The following SOX5 variants were observed in gnomAD, a reference collection of about 807,000 sequenced individuals.
SOX5 encodes the protein transcription factor SOX-5.
Under a neutral mutation model 92.0 loss-of-function variants are expected in SOX5, and 9 were observed. The ratio of observed to expected loss-of-function variants is 0.10; its 90% CI spans 0.06 to 0.17. SOX5 has a LOEUF of 0.17. SOX5 is among the 10% of genes least tolerant of loss of function. The probability of loss-of-function intolerance (pLI) is 1.00; values close to 1 mark genes in which losing one functional copy is unlikely to be tolerated. For missense variants in SOX5, 642 were observed against 944.5 expected, an observed-to-expected ratio of 0.68 and a Z score of 4.20; for synonymous variants, 344 against 336.3, an observed-to-expected ratio of 1.02 and a Z score of -0.25.
chr12:24,124,018 G>T (rs898352096), intron 4 of SOX5, among the ~76,000 whole-genome samples: 2 of 152,238 alleles, frequency 1.3e-5, no homozygotes, highest in African/African-American at 4.8e-5. Flanking sequence ...TGCATGGCTG[G>T]TTAAAATACT....
At chr12:23,882,170 G>A (rs1170839401) in intron 2 of SOX5, among the ~76,000 whole-genome samples, 1 of 152,056 alleles carries the variant, frequency 6.6e-6, no homozygotes, top group Non-Finnish European at 1.5e-5. Context: ...CACATGTATT[G>A]TGGCTTTCTC....
upstream of SOX5, chr12:23,949,702 T>C: frequency 6.3e-7 from 1 of 1,589,422 alleles, no homozygotes. Context: ...ATTGATTTTC[T>C]CTCTGTCTCT....
At chr12:24,464,588 G>A (rs190433861) in intron 1 of SOX5, among the ~76,000 whole-genome samples, 2 of 152,220 alleles carry the variant, frequency 1.3e-5, no homozygotes, top group Admixed American at 6.5e-5. Context: ...TGATCCACCC[G>A]CCTCGGCCTC....
At chr12:23,987,060 C>A (rs571868712) in intron 4 of SOX5, among the ~76,000 whole-genome samples, 1 of 152,156 alleles carries the variant, frequency 6.6e-6, no homozygotes, top group African/African-American at 2.4e-5. Flanking sequence ...AGACTGATTT[C>A]AACTGCTGAT....
chr12:24,323,309 G>GTATA lies in SOX5; in HGVS notation c.-174+45250_-174+45253dup, dbSNP rs200845678. Reference sequence around the variant, plus strand: ...GGTATGTAGCTGATTATATATATATGTATATATATATATGCACATATATAA... The same window carrying GTATA: ...GGTATGTAGCTGATTATATATATATGTATATATATATATATATGCACATATATAA... On this transcript the variant is annotated intron_variant, in intron 2 of 4. Transcript: ENST00000446891. Among the ~76,000 whole-genome samples the GTATA allele has an allele frequency of 5.2e-4, 77 of 149,202 alleles. 1 individual carries two copies. Among genetic ancestry groups the GTATA allele is most frequent in the Middle Eastern group, 7.0e-3 (2 of 284 alleles).
At chr12:23,991,164 G>A (rs1290638172) in intron 4 of SOX5, among the ~76,000 whole-genome samples, 2 of 149,070 alleles carry the variant, frequency 1.3e-5, no homozygotes, top group Non-Finnish European at 3.0e-5. Flanking sequence ...GACCAGCCTG[G>A]GCAACACAGT....
chr12:24,183,092 CAAAG>C (rs1670008134), intron 4 of SOX5, among the ~76,000 whole-genome samples: 1 of 152,136 alleles, frequency 6.6e-6, no homozygotes, highest in Non-Finnish European at 1.5e-5. Context: ...ATTTCTCCCA[CAAAG>C]AAGCTAAGAA....
intron 4 of SOX5, among the ~76,000 whole-genome samples, chr12:24,135,271 C>G (rs1950014481): frequency 6.6e-6 from 1 of 152,166 alleles, no homozygotes; most frequent in South Asian, 2.1e-4. Context: ...ATATAGCAAC[C>G]AATCCAAAAC....
At chr12:23,890,973 T>G (rs2137508488) in intron 2 of SOX5, among the ~76,000 whole-genome samples, 1 of 152,326 alleles carries the variant, frequency 6.6e-6, no homozygotes, top group South Asian at 2.1e-4. Context: ...ATGTTGCTCT[T>G]AATTGCTTGG....
At chr12:23,995,490 G>A (rs1950944996) in intron 4 of SOX5, among the ~76,000 whole-genome samples, 1 of 152,110 alleles carries the variant, frequency 6.6e-6, no homozygotes, top group Non-Finnish European at 1.5e-5. Context: ...AGGCCCAGGA[G>A]CTTGAGACCA....
At chr12:23,701,750 A>G (rs964773456) in intron 6 of SOX5, among the ~76,000 whole-genome samples, 3 of 152,018 alleles carry the variant, frequency 2.0e-5, no homozygotes, top group Admixed American at 6.6e-5. Flanking sequence ...CCCTCCCTCA[A>G]CATCCTGGTA....
At chr12:24,298,428 A>C (rs902566351) in intron 2 of SOX5, among the ~76,000 whole-genome samples, 1 of 152,208 alleles carries the variant, frequency 6.6e-6, no homozygotes, top group Non-Finnish European at 1.5e-5. Context: ...AAACATTATC[A>C]AACTTCTCTT....
intron 2 of SOX5, among the ~76,000 whole-genome samples, chr12:23,866,843 T>C (rs1243012510): frequency 1.3e-5 from 2 of 152,140 alleles, no homozygotes; most frequent in Admixed American, 1.3e-4. Flanking sequence ...CTTTCTAATT[T>C]CCCTTTTGGG....
intron 1 of SOX5, among the ~76,000 whole-genome samples, chr12:24,438,784 G>A (rs568366902): frequency 2.6e-5 from 4 of 152,306 alleles, no homozygotes; most frequent in African/African-American, 4.8e-5. Flanking sequence ...TAATGGATGA[G>A]GAGTTGCTTC....
At position 24,453,828 on chromosome 12, in the gene SOX5, T is replaced by C. The variant is rs149108995; in HGVS notation, c.-250-85189A>G. 1.4e-3 allele frequency among the ~76,000 whole-genome samples: 213 copies of C among 152,334 alleles called. 1 individual carries two copies. The highest frequency in any genetic ancestry group is 5.0e-3 in the African/African-American group (208 of 41,572). The stretch of plus-strand genomic sequence containing the variant: ...TTGCTTGCAGTACCAAGGCATGCTT[T>C]AATAGAGTGGCTTCAGGTGTTGATA... On this transcript the variant is annotated intron_variant, in intron 1 of 4. Transcript: ENST00000446891.
chr12:23,823,945 G>T (rs1314220572), intron 3 of SOX5, among the ~76,000 whole-genome samples: 1 of 152,154 alleles, frequency 6.6e-6, no homozygotes, highest in Non-Finnish European at 1.5e-5. Context: ...AAGTTCTTGT[G>T]CTATGTTTTT....
chr12:24,032,649 C>T (rs748186106), intron 4 of SOX5, among the ~76,000 whole-genome samples: 1 of 151,806 alleles, frequency 6.6e-6, no homozygotes, highest in Non-Finnish European at 1.5e-5. Flanking sequence ...TTCATTCATT[C>T]AACCAGGCCA....
At chr12:24,541,376 A>C (rs1181334709) in intron 1 of SOX5, among the ~76,000 whole-genome samples, 2 of 152,224 alleles carry the variant, frequency 1.3e-5, no homozygotes, top group Non-Finnish European at 2.9e-5. Flanking sequence ...AGAAATGTCC[A>C]TGACATTGCA....
chr12:23,692,639 T>C (rs1294879745), intron 6 of SOX5, among the ~76,000 whole-genome samples: 1 of 152,170 alleles, frequency 6.6e-6, no homozygotes, highest in Non-Finnish European at 1.5e-5. Flanking sequence ...AATACTTATC[T>C]TCTAAATACT....
Sources: gnomAD v4.1 joint callset for allele counts (sites outside exome capture counted in the v4.1 genomes callset) on GRCh38, gnomAD v4.1.1 for gene constraint, MANE v1.5 for transcripts, NCBI Gene and HGNC (gene_info 2026-07-23, HGNC 2026-07-21) for gene names.